COL20A1: variants seen among roughly 807,000 people sequenced by gnomAD.
The protein encoded by COL20A1 is collagen alpha-1(XX) chain.
In COL20A1, 164 loss-of-function variants were observed where a neutral mutation model predicts 152.9. The observed-to-expected ratio is 1.07, with a 90% CI of 0.94 to 1.22. The LOEUF is 1.22. COL20A1 is among the 50% of genes most tolerant of loss of function. The probability of loss-of-function intolerance (pLI) is 0.00; values close to 1 mark genes in which losing one functional copy is unlikely to be tolerated. For synonymous variants in COL20A1, 864 were observed against 756.0 expected, an observed-to-expected ratio of 1.14 and a Z score of -2.34; for missense variants, 1,873 against 1,744.8, an observed-to-expected ratio of 1.07 and a Z score of -1.31.
Position 63,319,562 on chromosome 20 carries a change from A to C in COL20A1, c.2882A>C (p.Glu961Ala). Residue 961 changes from glutamate to alanine, a missense_variant, in exon 23 of 36, where the codon GAA becomes GCA. Transcript: ENST00000358894. This position sits in a 1 kb window ranked among gnomAD's most constrained non-coding sequence, Gnocchi z 4.4. Reference protein sequence around the residue: ...ALQEATFDPQEVRKIFFGSFH... With the variant: ...ALQEATFDPQAVRKIFFGSFH... ...CAGGAGGCCACCTTCGACCCGCAGGAAGTGAGGAAGATTTTCTTCGGGAGC... is the reference window on the plus strand; with the variant it reads ...CAGGAGGCCACCTTCGACCCGCAGGCAGTGAGGAAGATTTTCTTCGGGAGC... 6.3e-7 allele frequency: 1 copy of C among 1,594,562 alleles called. No individual in the cohort carries two copies.
intron 28 of COL20A1, 56 bp downstream of exon 28, chr20:63,325,550 G>A: frequency 1.0e-5 from 16 of 1,575,948 alleles, no homozygotes; most frequent in East Asian, 2.2e-5. Flanking sequence ...GGGAAGGACA[G>A]GGATGGAGAT....
chr20:63,299,786 A>T (rs533022070), intron 3 of COL20A1, among the ~76,000 whole-genome samples: 1 of 151,968 alleles, frequency 6.6e-6, no homozygotes, highest in African/African-American at 2.4e-5. Flanking sequence ...AACTACAGTG[A>T]TTGATTTTTT....
chr20:63,317,483 AAAAG>A (rs1414927538), intron 21 of COL20A1, among the ~76,000 whole-genome samples: 281 of 151,736 alleles, frequency 1.9e-3, no homozygotes, highest in African/African-American at 6.4e-3. Flanking sequence ...AAAAAAAAAA[AAAAG>A]AAGTTACAAA....
At chr20:63,295,774 C>T (rs1466354915) in intron 2 of COL20A1, among the ~76,000 whole-genome samples, 2 of 152,258 alleles carry the variant, frequency 1.3e-5, no homozygotes, top group African/African-American at 4.8e-5. Flanking sequence ...CAGCTTCTTC[C>T]TCCTGTTGAG....
At chr20:63,329,413 T>G in intron 34 of COL20A1, 172 bp from the exon 35 acceptor site, 1 of 482,950 alleles carries the variant, frequency 2.1e-6, no homozygotes, top group East Asian at 3.2e-5. Flanking sequence ...GAGGCGCCTG[T>G]GTGGAGCACG....
At chr20:63,328,248 G>T in intron 33 of COL20A1, 83 bp from the exon 34 acceptor site, 1 of 1,550,052 alleles carries the variant, frequency 6.5e-7, no homozygotes, top group East Asian at 2.3e-5. Context: ...AGCACACCTG[G>T]GCCAGGTGTC....
Position 63,298,071 on chromosome 20 carries a change from ACAGT to A in COL20A1, c.193+56_193+59del. Reference sequence around the variant, plus strand: ...CCTTCCCCATTAGCACGTGCCGAGGACAGTCAGTGTGGTGGCCGCAGCCACCACT... The same window carrying A: ...CCTTCCCCATTAGCACGTGCCGAGGACAGTGTGGTGGCCGCAGCCACCACT... On this transcript the variant is annotated intron_variant, in intron 3 of 35. Transcript: ENST00000358894. 1.5e-5 allele frequency: 20 copies of A among 1,333,876 alleles called. No homozygotes were observed. In the South Asian group the frequency reaches 2.4e-4, roughly 16 times the overall value. 82.6% of individuals were successfully genotyped at this position (1,333,876 alleles called of 1,614,324 possible).
chr20:63,294,932 C>T (rs1315996760), intron 1 of COL20A1, 166 bp from the exon 2 acceptor site: 3 of 576,990 alleles, frequency 5.2e-6, no homozygotes, highest in Non-Finnish European at 6.2e-6. Flanking sequence ...GAGGTATCCC[C>T]TAGACAACAG....
chr20:63,308,120 C>T (rs1418767898), intron 7 of COL20A1, 30 bp downstream of exon 7: 3 of 1,607,798 alleles, frequency 1.9e-6, no homozygotes, highest in South Asian at 1.1e-5. Context: ...CTCCCTCTGT[C>T]CTGAGGGCGG....
chr20:63,319,052 C>G lies in COL20A1; in HGVS notation c.2664-6C>G, dbSNP rs775370364. 6.2e-7 allele frequency: 1 copy of G among 1,603,088 alleles called. No individual in the cohort carries two copies. Among genetic ancestry groups the G allele is most frequent in the South Asian group, 1.1e-5 (1 of 90,506 alleles). On this transcript the variant is annotated splice_polypyrimidine_tract_variant and splice_region_variant and intron_variant, in intron 21 of 35. Transcript: ENST00000358894. The surrounding 1 kb of genome is among the most constrained non-coding windows in gnomAD (Gnocchi z 4.4). ...CATGTGCCTCTCCCTCCCCCAACCC[C>G]CACAGTGACGTCTACCCAGCCCCCC...
rs1038711823 is a variant in COL20A1 at position 63,312,427 on chromosome 20, C to T, written c.1811C>T (p.Ala604Val). Residue 604 changes from alanine to valine, a missense_variant, in exon 15 of 36, where the codon GCT becomes GTT. By Grantham distance (64) the Ala-to-Val change is moderately conservative (BLOSUM62 0). Transcript: ENST00000358894. ...CCCTCCCACCTGCTGCAGACAGAGG[C>T]TCCTGGGAACGCCACCTCGGCCACG... ...SEGGHSGQTE[A>V]PGNATSATLG... 1 of 1,591,602 alleles carries T rather than the reference C, an allele frequency of 6.3e-7. No homozygotes were observed. The highest frequency in any genetic ancestry group is 1.3e-5 in the African/African-American group (1 of 74,530).
chr20:63,319,667 G>A lies in COL20A1; in HGVS notation c.2916+71G>A. ...GGGCAGCCCAGCCCCACAGGGACCTGCCGGATGCCAACTCCTCTCCCTAGG... is the reference window on the plus strand; with the variant it reads ...GGGCAGCCCAGCCCCACAGGGACCTACCGGATGCCAACTCCTCTCCCTAGG... On this transcript the variant is annotated intron_variant, in intron 23 of 35. Transcript: ENST00000358894. This position sits in a 1 kb window ranked among gnomAD's most constrained non-coding sequence, Gnocchi z 4.4. 2 of 1,061,226 alleles carry A rather than the reference G, an allele frequency of 1.9e-6. No homozygotes were observed. Among genetic ancestry groups the A allele is most frequent in the Admixed American group, 4.1e-5 (2 of 48,650 alleles). The allele number at this position is 1,061,226 out of a possible 1,614,324, so 65.7% of individuals were successfully genotyped here.
chr20:63,298,755 T>C (rs1372209728), intron 3 of COL20A1, among the ~76,000 whole-genome samples: 2 of 152,198 alleles, frequency 1.3e-5, no homozygotes, highest in Non-Finnish European at 2.9e-5. Context: ...GGGAACCCTG[T>C]TCCTAGAGCA....
At chr20:63,318,290 C>T (rs1028310286) in intron 21 of COL20A1, among the ~76,000 whole-genome samples, 21 of 152,176 alleles carry the variant, frequency 1.4e-4, no homozygotes, top group African/African-American at 5.1e-4. Context: ...TGCCCAGGCC[C>T]CAGACCAGTC....
Position 63,309,215 on chromosome 20 carries a change from C to T in COL20A1, c.941-118C>T, listed in dbSNP as rs552097823. 1.0e-4 allele frequency: 80 copies of T among 772,778 alleles called. 1 individual carries two copies. In the African/African-American group the frequency reaches 1.2e-3, roughly 12 times the overall value. The allele number at this position is 772,778 out of a possible 1,614,324, so 47.9% of individuals were successfully genotyped here. ...CCCAGCATGTGGGTGGCAGGTGGGC[C>T]GAGTACAGCCCATAGGCCTCTTTAC... On this transcript the variant is annotated intron_variant, in intron 8 of 35. Coordinates refer to ENST00000358894, the MANE Select transcript of COL20A1 (RefSeq NM_020882.4).
At chr20:63,294,871 T>C (rs1033988505) in intron 1 of COL20A1, among the ~76,000 whole-genome samples, 1 of 151,766 alleles carries the variant, frequency 6.6e-6, no homozygotes, top group African/African-American at 2.4e-5. Context: ...GGGGTGGGAG[T>C]GGGAGGCAGC....
intron 3 of COL20A1, among the ~76,000 whole-genome samples, chr20:63,303,143 C>T (rs2067880456): frequency 6.6e-6 from 1 of 152,214 alleles, no homozygotes; most frequent in South Asian, 2.1e-4. Context: ...ATATGATATA[C>T]ATAATGGTTG....
intron 35 of COL20A1, among the ~76,000 whole-genome samples, chr20:63,330,493 TCTC>T (rs368074707): frequency 3.3e-5 from 5 of 152,056 alleles, no homozygotes; most frequent in African/African-American, 9.6e-5. Flanking sequence ...CAGCCTTGCT[TCTC>T]CTCCACAGAC....
Position 63,328,279 on chromosome 20 carries a change from C to T in COL20A1, c.3614-52C>T, listed in dbSNP as rs2068281603. 4.4e-6 allele frequency: 7 copies of T among 1,577,406 alleles called. No homozygotes were observed. In the South Asian group the frequency reaches 8.0e-5, roughly 18 times the overall value. On this transcript the variant is annotated intron_variant, in intron 33 of 35. Coordinates refer to ENST00000358894, the MANE Select transcript of COL20A1 (RefSeq NM_020882.4). ...GTGTCCTGGCGTGGCCTGCACAGGC[C>T]TCGCATCCCCGGGTCCCCACTGTGT...
Sources: allele counts gnomAD v4.1 joint callset (sites outside exome capture counted in the v4.1 genomes callset), GRCh38; gene constraint gnomAD v4.1.1; non-coding constraint Gnocchi (gnomAD v3.1); transcripts MANE v1.5; gene names NCBI Gene and HGNC (gene_info 2026-07-23, HGNC 2026-07-21).